Variants in ZFP62 observed in about 807,000 individuals in gnomAD.
ZFP62 encodes the protein zinc finger protein 62 homolog.
In ZFP62, 44 loss-of-function variants were observed where a neutral mutation model predicts 56.4. The ratio of observed to expected loss-of-function variants is 0.78; its 90% confidence interval spans 0.61 to 1.00. The LOEUF is 1.00. ZFP62 is among the 50% of genes least tolerant of loss of function. The pLI is 0.00. For missense variants in ZFP62, 1,030 were observed against 1,085.7 expected (o/e 0.95, Z 0.72); for synonymous variants, 421 against 388.9 (o/e 1.08, Z -0.97).
the ZFP62 span, among the ~76,000 whole-genome samples, chr5:180,841,566 C>T: frequency 2.6e-5 from 4 of 152,140 alleles, no homozygotes; most frequent in African/African-American, 7.2e-5. Context: ...GTCTATCAGT[C>T]AGATTCTAAC....
At position 180,861,212 on chromosome 5, in the gene ZFP62, C is replaced by G. The variant is rs1220041443; in HGVS notation, c.1+7G>C. The G allele has an allele frequency of 5.0e-6, 2 of 398,136 alleles. No homozygotes were observed. The highest frequency in any genetic ancestry group is 8.9e-6 in the Non-Finnish European group (2 of 225,794). The allele number at this position is 398,136 out of a possible 1,614,324, so 24.7% of individuals were successfully genotyped here. ...GCGGGAGCGCGGGCGGCCGCGGACT[C>G]ACGTACTGGCTGTGGCGGCGCCGCG... On this transcript the variant is annotated splice_region_variant and intron_variant, in intron 1 of 1. Transcript: ENST00000502412.
chr5:180,837,866 G>A, the ZFP62 span, among the ~76,000 whole-genome samples: 1 of 152,080 alleles, frequency 6.6e-6, no homozygotes, highest in Non-Finnish European at 1.5e-5. Context: ...CACGAGAAGG[G>A]ACAGCCGCCC....
chr5:180,827,867 G>A, the ZFP62 span, among the ~76,000 whole-genome samples: 1 of 152,192 alleles, frequency 6.6e-6, no homozygotes, highest in Non-Finnish European at 1.5e-5. Context: ...TGGGACATGC[G>A]GGCAGCAATA....
intron 1 of ZFP62, among the ~76,000 whole-genome samples, chr5:180,852,948 A>G (rs1230836771): frequency 2.6e-5 from 4 of 152,240 alleles, no homozygotes; most frequent in African/African-American, 7.2e-5. Flanking sequence ...CACTGTTGAT[A>G]AGGCTGTGGA....
Position 180,849,759 on chromosome 5 carries a change from T to G in ZFP62, c.1736A>C (p.His579Pro). The G allele has an allele frequency of 6.4e-7, 1 of 1,551,934 alleles. No individual in the cohort carries two copies. The highest frequency in any genetic ancestry group is 8.7e-7 in the Non-Finnish European group (1 of 1,147,124). Residue 579 changes from histidine (H) to proline (P), a missense_variant, in exon 2 of 2, where the codon CAT becomes CCT. His to Pro is a moderately conservative substitution (Grantham distance 77, BLOSUM62 -2). Transcript: ENST00000502412. The part of the protein sequence containing the change: ...AYISLSSLIN[H>P]KSVHPGEKPF... ...CTTCTCCCCAGGGTGTACACTTTTA[T>G]GATTTATAAGGCTCGAGAGAGAGAT...
At chr5:180,834,369 C>G in the ZFP62 span, 1 of 152,412 alleles carries the variant, frequency 6.6e-6, no homozygotes, top group Non-Finnish European at 1.5e-5. Flanking sequence ...TGGGCTCAAG[C>G]GATCCTCCCA....
At chr5:180,843,211 T>C (rs928640466), downstream of ZFP62, among the ~76,000 whole-genome samples, 3 of 151,802 alleles carry the variant, frequency 2.0e-5, no homozygotes, top group Admixed American at 6.6e-5. Context: ...TCTAGGAACT[T>C]TGCATTGTCT....
chr5:180,859,185 T>G (rs532115746), intron 1 of ZFP62, among the ~76,000 whole-genome samples: 2 of 152,192 alleles, frequency 1.3e-5, no homozygotes, highest in Non-Finnish European at 2.9e-5. Context: ...CGACTTTCAA[T>G]TTGCAGAGTC....
At chr5:180,841,430 A>G in the ZFP62 span, among the ~76,000 whole-genome samples, 1 of 152,092 alleles carries the variant, frequency 6.6e-6, no homozygotes, top group Non-Finnish European at 1.5e-5. Flanking sequence ...AACAACTTTT[A>G]CAGTTCTTGA....
At chr5:180,841,952 G>A in the ZFP62 span, among the ~76,000 whole-genome samples, 7 of 152,046 alleles carry the variant, frequency 4.6e-5, no homozygotes, top group African/African-American at 7.2e-5. Context: ...CATGGGAGGC[G>A]TAAGAATTGC....
intron 1 of ZFP62, among the ~76,000 whole-genome samples, chr5:180,860,951 G>A (rs1477395075): frequency 6.6e-6 from 1 of 152,194 alleles, no homozygotes; most frequent in Non-Finnish European, 1.5e-5. Context: ...GACCTAACAT[G>A]ACGCTGGTCC....
At chr5:180,861,098 G>C (rs1756050681) in intron 1 of ZFP62, 121 bp downstream of exon 1, 2 of 398,086 alleles carry the variant, frequency 5.0e-6, no homozygotes, top group Non-Finnish European at 4.4e-6. Context: ...GCGGGGAGGG[G>C]GCACGCTTAC....
the ZFP62 span, among the ~76,000 whole-genome samples, chr5:180,836,008 A>G: frequency 2.0e-5 from 3 of 152,218 alleles, no homozygotes; most frequent in South Asian, 2.1e-4. Context: ...CTATGGTTAG[A>G]TACACAAATA....
the ZFP62 span, among the ~76,000 whole-genome samples, chr5:180,832,103 A>G: frequency 6.7e-6 from 1 of 148,592 alleles, no homozygotes. Flanking sequence ...ACAAAAAACA[A>G]AAAACACAAC....
chr5:180,852,550 C>A (rs1773767448), intron 1 of ZFP62, among the ~76,000 whole-genome samples: 1 of 77,672 alleles, frequency 1.3e-5, no homozygotes. Flanking sequence ...AAGACTCCGT[C>A]TCACAAAAAA....
Position 180,850,044 on chromosome 5 carries a change from T to C in ZFP62, c.1451A>G (p.Lys484Arg), listed in dbSNP as rs1187904537. The C allele has an allele frequency of 1.9e-6, 3 of 1,551,888 alleles. No homozygotes were observed. Among genetic ancestry groups the C allele is most frequent in the Non-Finnish European group, 2.6e-6 (3 of 1,147,094 alleles). Residue 484 changes from lysine (K) to arginine (R), a missense_variant, in exon 2 of 2, where the codon AAA becomes AGA. Coordinates refer to ENST00000502412, the MANE Select transcript of ZFP62 (RefSeq NM_001172638.2). ...AAGGCTAGAGCGTGAGATATAGGCT[T>C]TCCCACACACATCACACTTATATGG... is the stretch of plus-strand genomic sequence containing the variant. ...EKPYKCDVCGKAYISRSSLKN... is the reference protein window; with the variant it reads ...EKPYKCDVCGRAYISRSSLKN...
rs1161713087 is a variant in ZFP62 at position 180,848,924 on chromosome 5, C to G, written c.2571G>C (p.Lys857Asn). The change falls in exon 2 of 2, where the codon AAG becomes AAC. Residue 857 changes from lysine to asparagine, a missense_variant. Physicochemically the swap from Lys to Asn is moderately conservative, Grantham distance 94. Transcript: ENST00000502412. ...CCTCTCCAGTATGGGTTCTTTTATG[C>G]TTGGTGAGATTTGATCTGATATTAA... ...KAFNIRSNLT[K>N]HKRTHTGEES... 4 of 1,551,656 alleles carry G rather than the reference C, an allele frequency of 2.6e-6. No individual in the cohort carries two copies. The highest frequency in any genetic ancestry group is 1.7e-6 in the Non-Finnish European group (2 of 1,146,984).
the ZFP62 span, chr5:180,835,674 T>A: frequency 6.6e-6 from 1 of 152,250 alleles, no homozygotes; most frequent in Admixed American, 6.5e-5. Flanking sequence ...TTACTATTTG[T>A]ACTTGAAGAA....
At chr5:180,860,118 G>A (rs1347921389) in intron 1 of ZFP62, among the ~76,000 whole-genome samples, 3 of 152,154 alleles carry the variant, frequency 2.0e-5, no homozygotes, top group South Asian at 4.1e-4. Context: ...TAAAGTGAAA[G>A]AATCAAGGAG....
Sources: allele counts gnomAD v4.1 joint callset (sites outside exome capture counted in the v4.1 genomes callset), GRCh38; gene constraint gnomAD v4.1.1; transcripts MANE v1.5; gene names NCBI Gene and HGNC (gene_info 2026-07-23, HGNC 2026-07-21).